MX2: variants seen among roughly 807,000 people sequenced by gnomAD.
MX2 encodes MX dynamin like GTPase 2.
A neutral mutation model predicts 74.0 loss-of-function variants in MX2; 51 were observed. That is an observed-to-expected ratio of 0.69 (90% CI 0.55 to 0.87). The LOEUF (loss-of-function observed/expected upper bound fraction) is 0.87, where lower values mean the gene tolerates loss of function less well. Among genes scored for constraint, MX2 ranks in the 40% least tolerant of loss-of-function variants. The probability of loss-of-function intolerance (pLI) is 0.00; values close to 1 mark genes in which losing one functional copy is unlikely to be tolerated. For synonymous variants in MX2, 369 were observed against 339.3 expected (o/e 1.09, Z -0.96); for missense variants, 832 against 908.7 (o/e 0.92, Z 1.09).
At chr21:41,375,468 G>C (rs1301494301) in intron 1 of MX2, among the ~76,000 whole-genome samples, 2 of 152,228 alleles carry the variant, frequency 1.3e-5, no homozygotes, top group African/African-American at 4.8e-5. Flanking sequence ...CGGCAGAGCT[G>C]GTTCCTTCTG....
chr21:41,379,800 G>A (rs1473264069), intron 3 of MX2, among the ~76,000 whole-genome samples: 5 of 152,180 alleles, frequency 3.3e-5, no homozygotes, highest in South Asian at 4.1e-4. Context: ...TGCTTACTCC[G>A]GCAGCGAACA....
Position 41,402,973 on chromosome 21 carries a change from A to G in MX2, c.1574-294A>G, listed in dbSNP as rs1487970584. 2 of 357,716 alleles carry G rather than the reference A, an allele frequency of 5.6e-6. No homozygotes were observed. Among genetic ancestry groups the G allele is most frequent in the Non-Finnish European group, 1.1e-5 (2 of 186,206 alleles). The allele number at this position is 357,716 out of a possible 1,614,324, so 22.2% of individuals were successfully genotyped here. A position where few individuals can be genotyped will look rare whatever the true frequency, so the allele number is the denominator to read the frequency against. Reference sequence around the variant, plus strand: ...CACCTCCTGCCGGACACGGACTGGAACTGGTCCAGCCTGGGAGTTGGGGAC... The same window carrying G: ...CACCTCCTGCCGGACACGGACTGGAGCTGGTCCAGCCTGGGAGTTGGGGAC... On this transcript the variant is annotated intron_variant, in intron 11 of 13. Coordinates refer to ENST00000330714, the MANE Select transcript of MX2 (RefSeq NM_002463.2). The surrounding 1 kb of genome is among the most constrained non-coding windows in gnomAD (Gnocchi z 4.5).
chr21:41,408,321 C>A lies in MX2; in HGVS notation c.*88C>A. On this transcript the variant is annotated 3_prime_UTR_variant, in exon 14 of 14. Coordinates refer to ENST00000330714, the MANE Select transcript of MX2 (RefSeq NM_002463.2). ...CAGGATGCCGCTTCTGCTTTGGGGC[C>A]AAACTCTTCTGTCACTATCAGTGTC... 2 of 1,524,884 alleles carry A rather than the reference C, an allele frequency of 1.3e-6. No individual in the cohort carries two copies. Among genetic ancestry groups the A allele is most frequent in the Non-Finnish European group, 8.9e-7 (1 of 1,127,590 alleles). 94.5% of individuals were successfully genotyped at this position (1,524,884 alleles called of 1,614,324 possible). A position where few individuals can be genotyped will look rare whatever the true frequency, so the allele number is the denominator to read the frequency against.
rs73370183 is a variant in MX2, at chr21:41,408,604, G to C, written c.*371G>C. ...GTCAAATTCTTCTTTTGTATGTCCA[G>C]TCTCCTGCACAGCACCTGCAGCATT... On this transcript the variant is annotated 3_prime_UTR_variant, in exon 14 of 14. Coordinates refer to ENST00000330714, the MANE Select transcript of MX2 (RefSeq NM_002463.2). 4,416 of 232,712 alleles carry C rather than the reference G, an allele frequency of 0.019. 187 individuals are homozygous for C. Among genetic ancestry groups the C allele is most frequent in the African/African-American group, 0.094 (4,150 of 43,994 alleles). The allele number at this position is 232,712 out of a possible 1,614,324, so 14.4% of individuals were successfully genotyped here. A position where few individuals can be genotyped will look rare whatever the true frequency, so the allele number is the denominator to read the frequency against.
intron 1 of MX2, among the ~76,000 whole-genome samples, chr21:41,374,658 ATGCTGAAAGCCG>A (rs1568933099): frequency 1.0e-4 from 5 of 47,884 alleles, no homozygotes; most frequent in Non-Finnish European, 1.7e-4. Flanking sequence ...CCAGGCTGCC[ATGCTGAAAGCCG>A]GCAGGTGTCG....
intron 13 of MX2, 68 bp from the exon 14 acceptor site, chr21:41,407,923 C>A (rs2089907931): frequency 1.3e-6 from 2 of 1,590,724 alleles, no homozygotes; most frequent in Non-Finnish European, 1.7e-6. Flanking sequence ...AACTCCATGC[C>A]TTCTCTCTGC....
At chr21:41,376,546 T>TCAACAA (rs56871493) in intron 1 of MX2, among the ~76,000 whole-genome samples, 1 of 151,830 alleles carries the variant, frequency 6.6e-6, no homozygotes, top group Non-Finnish European at 1.5e-5. Context: ...AGACCCTGTC[T>TCAACAA]CAACAACAAC....
chr21:41,384,143 C>T (rs917940979), intron 5 of MX2, among the ~76,000 whole-genome samples: 6 of 152,178 alleles, frequency 3.9e-5, no homozygotes, highest in Non-Finnish European at 8.8e-5. Flanking sequence ...GCCTGCACCC[C>T]CTTGGCCCTC....
At chr21:41,401,753 C>A in intron 10 of MX2, 6 of 437,598 alleles carry the variant, frequency 1.4e-5, no homozygotes, top group South Asian at 1.2e-4. Context: ...TCAATTGAAA[C>A]ACATTTTCAT....
chr21:41,407,856 G>T, intron 13 of MX2, 135 bp from the exon 14 acceptor site: 1 of 1,088,064 alleles, frequency 9.2e-7, no homozygotes. Context: ...CTGACCACCG[G>T]AGTGGAGGTG....
At chr21:41,398,455 G>A (rs760175955) in intron 8 of MX2, among the ~76,000 whole-genome samples, 13 of 152,336 alleles carry the variant, frequency 8.5e-5, no homozygotes, top group African/African-American at 2.4e-4. Context: ...TTGGTTTGGC[G>A]GTTATTGAGA....
chr21:41,392,538 G>T (rs1343911015), intron 6 of MX2, among the ~76,000 whole-genome samples: 2 of 152,200 alleles, frequency 1.3e-5, no homozygotes, highest in African/African-American at 4.8e-5. Flanking sequence ...GTTGTTCAAT[G>T]GGTGAAGAGC....
chr21:41,379,978 AAAAGG>A, intron 3 of MX2, 34 bp from the exon 4 acceptor site: 1 of 1,609,798 alleles, frequency 6.2e-7, no homozygotes, highest in South Asian at 1.1e-5. Context: ...CCACTTCTTT[AAAAGG>A]AAACTGAGGA....
In MX2 at chr21:41,408,023, A is replaced by G. The variant is rs145672677; in HGVS notation, c.1938A>G (p.Pro646=). ...ETSKRLANQI[P]FIIQYFMLRE... is the part of the protein sequence containing the mutation. ...GCAAACGTCTCGCCAACCAGATCCC[A>G]TTTATAATTCAGTATTTTATGCTCC... The change falls in exon 14 of 14, where the codon CCA becomes CCG. Residue 646 remains proline, a synonymous_variant. Transcript: ENST00000330714. 1.5e-5 allele frequency: 25 copies of G among 1,614,156 alleles called. No homozygotes were observed. Among genetic ancestry groups the G allele is most frequent in the Middle Eastern group, 3.3e-4 (2 of 6,062 alleles).
rs2089264227 is a variant in MX2 at position 41,366,187 on chromosome 21, T to C, written c.-72+4132T>C. On this transcript the variant is annotated intron_variant, in intron 1 of 13. Coordinates refer to ENST00000330714, the MANE Select transcript of MX2 (RefSeq NM_002463.2). The surrounding 1 kb of genome is among the most constrained non-coding windows in gnomAD (Gnocchi z 4.5). ...TCCAACAGCTGCCTTCGTGTATCAC[T>C]GGGAAATCTTAAAGATCCCACAGTG... 1 of 152,266 alleles carries C rather than the reference T, an allele frequency of 6.6e-6. No individual in the cohort carries two copies. Among genetic ancestry groups the C allele is most frequent in the South Asian group, 2.1e-4 (1 of 4,834 alleles). The allele number at this position is 152,266 out of a possible 1,614,324, so 9.4% of individuals were successfully genotyped here.
intron 2 of MX2, 136 bp downstream of exon 2, chr21:41,377,291 T>TACTTGTTGGG: frequency 7.8e-7 from 1 of 1,282,668 alleles, no homozygotes; most frequent in Non-Finnish European, 1.1e-6. Flanking sequence ...GCTCTCCTGG[T>TACTTGTTGGG]CATGCCCAAC....
intron 6 of MX2, among the ~76,000 whole-genome samples, chr21:41,395,100 G>T (rs1437460847): frequency 6.6e-6 from 1 of 152,112 alleles, no homozygotes; most frequent in Non-Finnish European, 1.5e-5. Context: ...AGAGCACTTG[G>T]AATTCAAAGT....
Position 41,389,470 on chromosome 21 carries a change from G to C in MX2, c.733-1095G>C, listed in dbSNP as rs117725090. 8.0e-3 allele frequency: 1,220 copies of C among 152,282 alleles called. 13 individuals carry two copies. Among genetic ancestry groups the C allele is most frequent in the Non-Finnish European group, 0.012 (793 of 68,046 alleles). The allele number at this position is 152,282 out of a possible 1,614,324, so 9.4% of individuals were successfully genotyped here. On this transcript the variant is annotated intron_variant, in intron 5 of 13. Transcript: ENST00000330714. ...CAGGAGTTTAAGATTGGGGTGAGCC[G>C]TGATTGTACCACTGCACTCCAGCCT...
At chr21:41,379,330 T>C (rs1209707037) in intron 3 of MX2, among the ~76,000 whole-genome samples, 1 of 152,120 alleles carries the variant, frequency 6.6e-6, no homozygotes, top group Non-Finnish European at 1.5e-5. Context: ...GGTCGCGGGT[T>C]CTCAGGGCTT....
Sources: allele counts gnomAD v4.1 joint callset (sites outside exome capture counted in the v4.1 genomes callset), GRCh38; gene constraint gnomAD v4.1.1; non-coding constraint Gnocchi (gnomAD v3.1); transcripts MANE v1.5; gene names NCBI Gene and HGNC (gene_info 2026-07-23, HGNC 2026-07-21).